Variants in TEKT5 observed in about 807,000 individuals in gnomAD.
TEKT5 encodes tektin 5.
A neutral mutation model predicts 48.7 loss-of-function variants in TEKT5; 52 were observed. The ratio of observed to expected loss-of-function variants is 1.07; its 90% CI spans 0.86 to 1.35. TEKT5 has a LOEUF of 1.35. Among genes scored for constraint, TEKT5 ranks in the 40% most tolerant of loss-of-function variants. TEKT5 has a pLI of 0.00. For missense variants in TEKT5, 831 were observed against 641.6 expected, an observed-to-expected ratio of 1.30 and a Z score of -3.19; for synonymous variants, 318 against 267.6, an observed-to-expected ratio of 1.19 and a Z score of -1.84.
chr16:10,634,190 G>A (rs1897880735), intron 6 of TEKT5, among the ~76,000 whole-genome samples: 1 of 152,126 alleles, frequency 6.6e-6, no homozygotes, highest in African/African-American at 2.4e-5. Context: ...TTTGACAACA[G>A]TAGGAGTAAC....
intron 5 of TEKT5, among the ~76,000 whole-genome samples, chr16:10,642,499 T>C (rs936243871): frequency 6.6e-6 from 1 of 152,020 alleles, no homozygotes; most frequent in Non-Finnish European, 1.5e-5. Flanking sequence ...CTGCCCACGT[T>C]TCTCCCCCTC....
At chr16:10,677,052 G>A (rs1010389898) in intron 4 of TEKT5, among the ~76,000 whole-genome samples, 2 of 152,166 alleles carry the variant, frequency 1.3e-5, no homozygotes, top group Non-Finnish European at 2.9e-5. Context: ...GTACCTACAT[G>A]TGGTGGTGCA....
At chr16:10,668,214 T>C (rs1898492217) in intron 5 of TEKT5, among the ~76,000 whole-genome samples, 1 of 152,200 alleles carries the variant, frequency 6.6e-6, no homozygotes, top group Admixed American at 6.5e-5. Flanking sequence ...CTAGGTTCTA[T>C]TGCTTTCCAA....
intron 3 of TEKT5, 151 bp from the exon 4 acceptor site, chr16:10,682,287 T>C: frequency 1.3e-6 from 1 of 761,714 alleles, no homozygotes; most frequent in Non-Finnish European, 2.1e-6. Context: ...TCCCACCACA[T>C]ACCCAGAGGC....
chr16:10,672,786 G>A lies in TEKT5; in HGVS notation c.1086+3173C>T, dbSNP rs540813279. Among the ~76,000 whole-genome samples, 6 of 151,942 alleles carry A rather than the reference G, an allele frequency of 3.9e-5. No homozygotes were observed. In the East Asian group the frequency reaches 5.8e-4, roughly 15 times the overall value. On this transcript the variant is annotated intron_variant, in intron 5 of 6. Transcript: ENST00000283025. The stretch of plus-strand genomic sequence containing the variant: ...CAAACATGGTGCCTACTATGTGCCC[G>A]CACTCCTTCAGGTGTTATGCCTGCA...
At chr16:10,665,966 G>T (rs1898449032) in intron 5 of TEKT5, among the ~76,000 whole-genome samples, 2 of 152,216 alleles carry the variant, frequency 1.3e-5, no homozygotes, top group South Asian at 4.1e-4. Context: ...CAGAACAGGG[G>T]CTGGGCGCGG....
intron 5 of TEKT5, among the ~76,000 whole-genome samples, chr16:10,653,742 G>A (rs1396549681): frequency 6.6e-6 from 1 of 151,994 alleles, no homozygotes; most frequent in South Asian, 2.1e-4. Flanking sequence ...GTGAAACCCC[G>A]TCTCTACTAA....
At chr16:10,672,661 G>T (rs549180048) in intron 5 of TEKT5, among the ~76,000 whole-genome samples, 1 of 152,258 alleles carries the variant, frequency 6.6e-6, no homozygotes, top group Admixed American at 6.5e-5. Context: ...GTACCAGGCA[G>T]TTATTAAGCA....
At chr16:10,655,291 G>C (rs567992345) in intron 5 of TEKT5, among the ~76,000 whole-genome samples, 10 of 152,234 alleles carry the variant, frequency 6.6e-5, no homozygotes, top group African/African-American at 2.4e-4. Flanking sequence ...AACGGAGGGA[G>C]TGTAGTCCAT....
intron 5 of TEKT5, among the ~76,000 whole-genome samples, chr16:10,660,320 G>A (rs1305294755): frequency 1.3e-5 from 2 of 152,108 alleles, no homozygotes. Flanking sequence ...TGGCTCTTTG[G>A]GCCACATGCC....
chr16:10,629,397 C>G (rs1180079298), intron 6 of TEKT5, among the ~76,000 whole-genome samples: 1 of 151,950 alleles, frequency 6.6e-6, no homozygotes, highest in African/African-American at 2.4e-5. Context: ...ATTACAGGCA[C>G]GTGCCGCCAC....
rs1002742064 is a variant in TEKT5 at position 10,686,915 on chromosome 16, G to T, written c.719+2338C>A. Among the ~76,000 whole-genome samples, 5 of 152,274 alleles carry T rather than the reference G, an allele frequency of 3.3e-5. No homozygotes were observed. In the South Asian group the frequency reaches 1.0e-3, roughly 32 times the overall value. On this transcript the variant is annotated intron_variant, in intron 3 of 6. Transcript: ENST00000283025. ...ATACTACTCAGCCTTAAAAAAAGAA[G>T]AAAATCCTGTCATTTGTGACAACAT... is the stretch of plus-strand genomic sequence containing the variant.
intron 5 of TEKT5, among the ~76,000 whole-genome samples, chr16:10,674,631 A>AC (rs1898612073): frequency 1.3e-5 from 2 of 150,894 alleles, no homozygotes; most frequent in Non-Finnish European, 3.0e-5. Context: ...AAAAAAAAAA[A>AC]AAAAAAAAAA....
chr16:10,647,340 T>C (rs994130579), intron 5 of TEKT5, among the ~76,000 whole-genome samples: 2 of 151,632 alleles, frequency 1.3e-5, no homozygotes, highest in Admixed American at 6.6e-5. Flanking sequence ...GGCGTGGTGG[T>C]GCACACCGGC....
At chr16:10,645,581 T>A (rs1374108347) in intron 5 of TEKT5, among the ~76,000 whole-genome samples, 4 of 152,078 alleles carry the variant, frequency 2.6e-5, no homozygotes, top group African/African-American at 9.7e-5. Flanking sequence ...AGCAGGCAGA[T>A]CACCTGAGGA....
At chr16:10,635,052 A>G (rs910586873) in intron 6 of TEKT5, among the ~76,000 whole-genome samples, 24 of 152,154 alleles carry the variant, frequency 1.6e-4, no homozygotes, top group African/African-American at 5.8e-4. Flanking sequence ...TAATGCCCCT[A>G]GCATGGGGAG....
intron 6 of TEKT5, among the ~76,000 whole-genome samples, chr16:10,633,447 C>G (rs1897868807): frequency 6.6e-6 from 1 of 152,132 alleles, no homozygotes; most frequent in Admixed American, 6.5e-5. Context: ...ATCGAAGAAG[C>G]AGGGGCAGAG....
intron 5 of TEKT5, among the ~76,000 whole-genome samples, chr16:10,675,494 C>A (rs916038176): frequency 5.3e-5 from 8 of 152,136 alleles, no homozygotes; most frequent in Admixed American, 2.6e-4. Flanking sequence ...CTCCTCAGAT[C>A]CAAAAAGCAC....
intron 3 of TEKT5, among the ~76,000 whole-genome samples, chr16:10,688,989 C>T (rs984276282): frequency 6.6e-6 from 1 of 152,182 alleles, no homozygotes; most frequent in Non-Finnish European, 1.5e-5. Flanking sequence ...TTGTGAGAGT[C>T]AGTTGTACAC....
Sources: gnomAD v4.1 joint callset for allele counts (sites outside exome capture counted in the v4.1 genomes callset) on GRCh38, gnomAD v4.1.1 for gene constraint, MANE v1.5 for transcripts, NCBI Gene and HGNC (gene_info 2026-07-23, HGNC 2026-07-21) for gene names.